The following MCTP2 variants were observed in gnomAD, a reference collection of about 807,000 sequenced individuals.
MCTP2 encodes the protein multiple C2 and transmembrane domain containing 2.
MCTP2 carries 132 observed loss-of-function variants against 111.6 expected under a neutral mutation model. That is an observed-to-expected ratio of 1.18 (90% CI 1.03 to 1.37). The LOEUF (loss-of-function observed/expected upper bound fraction) is 1.37. Among genes scored for constraint, MCTP2 ranks in the 40% most tolerant of loss-of-function variants. The pLI is 0.00. For missense variants in MCTP2, 1,183 were observed against 1,067.9 expected, an observed-to-expected ratio of 1.11 and a Z score of -1.50; for synonymous variants, 395 against 387.7, an observed-to-expected ratio of 1.02 and a Z score of -0.22.
intron 1 of MCTP2, among the ~76,000 whole-genome samples, chr15:94,247,707 C>T (rs1425581483): frequency 2.0e-5 from 3 of 152,126 alleles, no homozygotes; most frequent in African/African-American, 7.2e-5. Context: ...TAAAAAGCTG[C>T]CCTGTACCTT....
At chr15:94,374,529 C>A (rs1051205644) in intron 12 of MCTP2, among the ~76,000 whole-genome samples, 17 of 152,306 alleles carry the variant, frequency 1.1e-4, no homozygotes, top group Admixed American at 7.8e-4. Flanking sequence ...TGCCAAGATT[C>A]CACACCAAAT....
At chr15:94,438,818 G>A (rs973743766) in intron 17 of MCTP2, among the ~76,000 whole-genome samples, 2 of 152,106 alleles carry the variant, frequency 1.3e-5, no homozygotes, top group African/African-American at 4.8e-5. Flanking sequence ...TGGTTTGTGT[G>A]TGTTCTTAAT....
At chr15:94,257,495 A>G (rs956281130) in intron 1 of MCTP2, among the ~76,000 whole-genome samples, 2 of 151,418 alleles carry the variant, frequency 1.3e-5, no homozygotes, top group African/African-American at 2.4e-5. Context: ...CCCTGGTAGC[A>G]TTACAAAGAA....
intron 17 of MCTP2, among the ~76,000 whole-genome samples, chr15:94,427,809 A>G (rs1312686592): frequency 6.6e-6 from 1 of 152,194 alleles, no homozygotes; most frequent in Admixed American, 6.5e-5. Context: ...ATTCTCAGAT[A>G]TCTTCAAATT....
chr15:94,386,558 G>T (rs540991022), intron 14 of MCTP2, among the ~76,000 whole-genome samples: 28 of 152,280 alleles, frequency 1.8e-4, no homozygotes, highest in African/African-American at 6.5e-4. Context: ...TCCCTGGTAC[G>T]GCTGGCTCCT....
At chr15:94,469,402 T>C (rs2073717042) in intron 20 of MCTP2, among the ~76,000 whole-genome samples, 1 of 152,224 alleles carries the variant, frequency 6.6e-6, no homozygotes, top group African/African-American at 2.4e-5. Context: ...AGGAGCTCTG[T>C]GAAAATAATA....
intron 1 of MCTP2, among the ~76,000 whole-genome samples, chr15:94,279,868 G>A (rs34573363): frequency 0.011 from 1,636 of 152,194 alleles, 30 homozygotes; most frequent in African/African-American, 0.038. Context: ...ATAATCATGT[G>A]GTTTTTGCTT....
At chr15:94,296,225 C>T (rs962749941) in intron 1 of MCTP2, among the ~76,000 whole-genome samples, 1 of 152,126 alleles carries the variant, frequency 6.6e-6, no homozygotes, top group South Asian at 2.1e-4. Flanking sequence ...TGCCTTTTAT[C>T]GTATTTGCAA....
chr15:94,363,250 G>A lies in MCTP2; in HGVS notation c.1302-4355G>A, dbSNP rs555577207. ...AGGCACAGTACTTGAGGATTCAGTG[G>A]ACAGTGATACAGAAAAGGCTGCTGT... On this transcript the variant is annotated intron_variant, in intron 10 of 22. Transcript: ENST00000357742. Among the ~76,000 whole-genome samples the A allele has an allele frequency of 2.0e-5, 3 of 152,238 alleles. No homozygotes were observed. The East Asian group carries it at 5.8e-4, about 29-fold the overall frequency.
At chr15:94,462,970 C>T (rs939075644) in intron 20 of MCTP2, among the ~76,000 whole-genome samples, 6 of 152,114 alleles carry the variant, frequency 3.9e-5, no homozygotes, top group African/African-American at 1.4e-4. Context: ...AGGGAATGTC[C>T]CCTGCCTTCC....
intron 4 of MCTP2, among the ~76,000 whole-genome samples, chr15:94,329,084 C>G (rs1019624154): frequency 6.6e-6 from 1 of 152,038 alleles, no homozygotes; most frequent in Non-Finnish European, 1.5e-5. Flanking sequence ...TATGATGCAG[C>G]CTTGGAAGGA....
intron 1 of MCTP2, among the ~76,000 whole-genome samples, chr15:94,272,101 A>G (rs2073934762): frequency 6.6e-6 from 1 of 152,250 alleles, no homozygotes; most frequent in South Asian, 2.1e-4. Flanking sequence ...GTTCTAATGT[A>G]GGAACTGTTT....
At chr15:94,298,830 C>A in intron 2 of MCTP2, 100 bp downstream of exon 2, 1 of 438,998 alleles carries the variant, frequency 2.3e-6, no homozygotes. Flanking sequence ...CTTCCCCCCT[C>A]CCCCTCCCTC....
intron 1 of MCTP2, among the ~76,000 whole-genome samples, chr15:94,245,813 C>G (rs549528850): frequency 2.4e-4 from 36 of 151,200 alleles, no homozygotes; most frequent in Non-Finnish European, 5.0e-4. Context: ...CACATACCTA[C>G]ATTTCTGATT....
chr15:94,281,653 A>T (rs1421059689), intron 1 of MCTP2, among the ~76,000 whole-genome samples: 2 of 152,128 alleles, frequency 1.3e-5, no homozygotes, highest in Non-Finnish European at 2.9e-5. Flanking sequence ...TTATAGTGTC[A>T]GTGTGCTATG....
chr15:94,243,968 C>G (rs1243642953), intron 1 of MCTP2, among the ~76,000 whole-genome samples: 1 of 145,224 alleles, frequency 6.9e-6, no homozygotes, highest in African/African-American at 2.5e-5. Context: ...TTTACACACA[C>G]ATATGTATAC....
chr15:94,397,038 G>A (rs2081317022), intron 14 of MCTP2, among the ~76,000 whole-genome samples: 1 of 152,180 alleles, frequency 6.6e-6, no homozygotes, highest in Admixed American at 6.5e-5. Flanking sequence ...TCTAATTTAT[G>A]TTTAGGGGAA....
chr15:94,248,679 TA>T (rs149101654), intron 1 of MCTP2, among the ~76,000 whole-genome samples: 2,454 of 152,330 alleles, frequency 0.016, 57 homozygotes, highest in African/African-American at 0.055. Context: ...TCCTCTACTT[TA>T]AGTCTAAATC....
intron 2 of MCTP2, 92 bp downstream of exon 2, chr15:94,298,822 T>C (rs1382655146): frequency 7.9e-4 from 357 of 454,304 alleles, no homozygotes; most frequent in African/African-American, 3.3e-3. Context: ...CCCTCTCTCT[T>C]CCCCCCTCCC....
Sources: gnomAD v4.1 joint callset for allele counts (sites outside exome capture counted in the v4.1 genomes callset) on GRCh38, gnomAD v4.1.1 for gene constraint, MANE v1.5 for transcripts, NCBI Gene and HGNC (gene_info 2026-07-23, HGNC 2026-07-21) for gene names.